Variants in MANSC4 observed in about 807,000 individuals in gnomAD.
MANSC4 encodes the protein MANSC domain-containing protein 4.
MANSC4 carries 11 observed loss-of-function variants against 11.4 expected under a neutral mutation model. That is an observed-to-expected ratio of 0.97 (90% CI 0.61 to 1.60). The LOEUF (loss-of-function observed/expected upper bound fraction) is 1.60. MANSC4 is among the 40% of genes most tolerant of loss of function. The pLI is 0.00. For synonymous variants in MANSC4, 123 were observed against 147.1 expected (o/e 0.84, Z 1.19); for missense variants, 354 against 404.6 (o/e 0.88, Z 1.07).
chr12:27,773,930 T>C (rs2062109498), intron 1 of MANSC4, among the ~76,000 whole-genome samples: 1 of 152,068 alleles, frequency 6.6e-6, no homozygotes, highest in Admixed American at 6.6e-5. Flanking sequence ...GGCGGATCAC[T>C]AGAGGTCAGG....
At position 27,766,729 on chromosome 12, in the gene MANSC4, G is replaced by A; in HGVS notation, c.300C>T (p.Cys100=). Reference sequence around the variant, plus strand: ...CTAATATGCAGCTCTCCAGTGTTGGGCAGTGAACATGGAGGCAGTTGATAT... The same window carrying A: ...CTAATATGCAGCTCTCCAGTGTTGGACAGTGAACATGGAGGCAGTTGATAT... ...HDNINCLHVH[C]PTLESCILEP... The change falls in exon 3 of 4, where the codon TGC becomes TGT. Residue 100 remains cysteine, a synonymous_variant. Coordinates refer to ENST00000381273, the MANE Select transcript of MANSC4 (RefSeq NM_001146221.5). 3 of 1,551,624 alleles carry A rather than the reference G, an allele frequency of 1.9e-6. No individual in the cohort carries two copies. The highest frequency in any genetic ancestry group is 2.6e-6 in the Non-Finnish European group (3 of 1,146,888).
chr12:27,770,421 T>A (rs921746597), intron 2 of MANSC4, among the ~76,000 whole-genome samples: 4 of 147,702 alleles, frequency 2.7e-5, no homozygotes, highest in Admixed American at 6.7e-5. Flanking sequence ...CCTCGAGTGA[T>A]CCACCCACCT....
Position 27,762,600 on chromosome 12 carries a change from C to T in MANSC4, c.*138G>A, listed in dbSNP as rs2062051611. On this transcript the variant is annotated 3_prime_UTR_variant, in exon 4 of 4. Transcript: ENST00000381273. The stretch of plus-strand genomic sequence containing the variant: ...TCCTGGGCTCAAGCAAATCTACTGC[C>T]TTGGCTTCCCAAAGTTTTGGGATTA... 1.3e-6 allele frequency: 1 copy of T among 786,418 alleles called. No individual in the cohort carries two copies. The allele number at this position is 786,418 out of a possible 1,614,324, so 48.7% of individuals were successfully genotyped here.
rs549832343 is a variant in MANSC4 at position 27,771,204 on chromosome 12, A to G, written c.73T>C (p.Ser25Pro). ...SMGWTSDSLC[S>P]PTIFYRDCWI... ...CAGTCTCTGTAAAAAATTGTGGGTG[A>G]GCAGAGAGAGTCTGATGTCCACCCC... The change falls in exon 2 of 4, where the codon TCA becomes CCA. Residue 25 changes from serine (S) to proline (P), a missense_variant. Transcript: ENST00000381273. The G allele has an allele frequency of 9.7e-6, 15 of 1,551,950 alleles. No individual in the cohort carries two copies. Among genetic ancestry groups the G allele is most frequent in the Non-Finnish European group, 1.1e-5 (13 of 1,147,112 alleles).
In MANSC4 at chr12:27,762,556, G is replaced by C. The variant is rs1331347124; in HGVS notation, c.*182C>G. Among the ~76,000 whole-genome samples the C allele has an allele frequency of 6.6e-6, 1 of 151,782 alleles. No homozygotes were observed. The highest frequency in any genetic ancestry group is 1.5e-5 in the Non-Finnish European group (1 of 67,972). On this transcript the variant is annotated 3_prime_UTR_variant, in exon 4 of 4. Transcript: ENST00000381273. ...TATAGAGACAGAGTCTCACTATGTT[G>C]CCCAGGCTGGTCTCGAACTCCTGGG...
Position 27,769,733 on chromosome 12 carries a change from T to A in MANSC4, c.229+1315A>T, listed in dbSNP as rs376341731. Reference sequence around the variant, plus strand: ...ATACATAATCTTACATACACAAAAATCTTACATAGGTAATTGGGCAAGAGG... The same window carrying A: ...ATACATAATCTTACATACACAAAAAACTTACATAGGTAATTGGGCAAGAGG... On this transcript the variant is annotated intron_variant, in intron 2 of 3. Coordinates refer to ENST00000381273, the MANE Select transcript of MANSC4 (RefSeq NM_001146221.5). Among the ~76,000 whole-genome samples, 18 of 152,280 alleles carry A rather than the reference T, an allele frequency of 1.2e-4. 1 individual carries two copies. The highest frequency in any genetic ancestry group is 6.8e-3 in the Middle Eastern group (2 of 294).
intron 3 of MANSC4, among the ~76,000 whole-genome samples, chr12:27,763,681 T>G (rs184675914): frequency 1.1e-3 from 175 of 152,196 alleles, no homozygotes; most frequent in Non-Finnish European, 2.2e-3. Context: ...AGTGTTACTT[T>G]GAGAGCTGTA....
At position 27,763,139 on chromosome 12, in the gene MANSC4, C is replaced by T. The variant is rs567225533; in HGVS notation, c.622G>A (p.Glu208Lys). ...DFWARFTSLN[E>K]SITTKINKVS... ...TTATTTATCTTTGTGGTAATGGACTCATTCAGGGAAGTAAATCTTGCCCAA... is the reference window on the plus strand; with the variant it reads ...TTATTTATCTTTGTGGTAATGGACTTATTCAGGGAAGTAAATCTTGCCCAA... The change falls in exon 4 of 4, where the codon GAG (glutamate) becomes AAG (lysine). Residue 208 changes from glutamate to lysine, a missense_variant. Physicochemically the swap from Glu to Lys is moderately conservative, Grantham distance 56 (BLOSUM62 1). Coordinates refer to ENST00000381273, the MANE Select transcript of MANSC4 (RefSeq NM_001146221.5). The T allele has an allele frequency of 1.9e-6, 3 of 1,551,594 alleles. No individual in the cohort carries two copies. The highest frequency in any genetic ancestry group is 2.4e-5 in the South Asian group (2 of 84,060).
chr12:27,768,164 C>T (rs1405096740), intron 2 of MANSC4, among the ~76,000 whole-genome samples: 1 of 151,920 alleles, frequency 6.6e-6, no homozygotes, highest in African/African-American at 2.4e-5. Context: ...TTTGGGAGGC[C>T]AAGGTGGCGG....
At position 27,771,057 on chromosome 12, in the gene MANSC4, G is replaced by A. The variant is rs762097025; in HGVS notation, c.220C>T (p.Arg74Trp). 12 of 1,549,804 alleles carry A rather than the reference G, an allele frequency of 7.7e-6. No individual in the cohort carries two copies. The highest frequency in any genetic ancestry group is 4.0e-5 in the Admixed American group (2 of 50,588). Reference protein sequence around the residue: ...GQKCSRSCCLRKDVSCNLAVF... With the variant: ...GQKCSRSCCLWKDVSCNLAVF... Reference sequence around the variant, plus strand: ...TATCATGAATACTTACCATCCTTCCGAAGACAGCAGCTCCTACTGCACTTC... The same window carrying A: ...TATCATGAATACTTACCATCCTTCCAAAGACAGCAGCTCCTACTGCACTTC... Residue 74 changes from arginine to tryptophan, a missense_variant, in exon 2 of 4, where the codon CGG (arginine) becomes TGG (tryptophan). Arg to Trp is a moderately radical substitution (Grantham distance 101). Transcript: ENST00000381273.
chr12:27,773,725 AC>A (rs2140804235), intron 1 of MANSC4, among the ~76,000 whole-genome samples: 1 of 152,328 alleles, frequency 6.6e-6, no homozygotes, highest in Non-Finnish European at 1.5e-5. Flanking sequence ...AATAAATGGA[AC>A]TTTTACCTAA....
chr12:27,762,849 G>A lies in MANSC4; in HGVS notation c.912C>T (p.Ile304=). The change falls in exon 4 of 4, where the codon ATC becomes ATT. Residue 304 remains isoleucine, a synonymous_variant. Coordinates refer to ENST00000381273, the MANE Select transcript of MANSC4 (RefSeq NM_001146221.5). ...SVIFLGCCIV[I]LASGCCGKQQ... The stretch of plus-strand genomic sequence containing the variant: ...GCTTTCCACAGCATCCAGATGCCAG[G>A]ATGACTATACAACAGCCGAGAAAGA... 5.2e-6 allele frequency: 8 copies of A among 1,551,958 alleles called. No individual in the cohort carries two copies. The highest frequency in any genetic ancestry group is 6.1e-6 in the Non-Finnish European group (7 of 1,147,074).
intron 1 of MANSC4, among the ~76,000 whole-genome samples, chr12:27,772,361 G>A (rs2062104265): frequency 6.6e-6 from 1 of 152,104 alleles, no homozygotes; most frequent in African/African-American, 2.4e-5. Context: ...TCTGTGATCC[G>A]TATTTCTTTT....
chr12:27,764,133 C>T (rs886250120), intron 3 of MANSC4, among the ~76,000 whole-genome samples: 15 of 152,202 alleles, frequency 9.9e-5, no homozygotes, highest in African/African-American at 3.6e-4. Context: ...TTTTCGACCT[C>T]TGAGGGTCTT....
chr12:27,770,285 A>T (rs538176228), intron 2 of MANSC4, among the ~76,000 whole-genome samples: 1 of 152,100 alleles, frequency 6.6e-6, no homozygotes, highest in Non-Finnish European at 1.5e-5. Context: ...GGTTCAAGCG[A>T]TTCTCCAAAC....
At chr12:27,774,529 A>C (rs1007097783) in intron 1 of MANSC4, among the ~76,000 whole-genome samples, 2 of 152,238 alleles carry the variant, frequency 1.3e-5, no homozygotes, top group African/African-American at 2.4e-5. Flanking sequence ...CATCTTAATA[A>C]ACATCTTTCT....
rs1284255027 is a variant in MANSC4 at position 27,772,482 on chromosome 12, A to G, written c.-306-900T>C. Among the ~76,000 whole-genome samples, 14 of 152,362 alleles carry G rather than the reference A, an allele frequency of 9.2e-5. No individual in the cohort carries two copies. The East Asian group carries it at 2.5e-3, about 27-fold the overall frequency. On this transcript the variant is annotated intron_variant, in intron 1 of 3. Coordinates refer to ENST00000381273, the MANE Select transcript of MANSC4 (RefSeq NM_001146221.5). ...TAATAATAGTCAATCTAGTTATTAC[A>G]TATCTTTTTATTTTTAGAAACATGA... is the stretch of plus-strand genomic sequence containing the variant.
intron 1 of MANSC4, among the ~76,000 whole-genome samples, chr12:27,778,813 T>G (rs1307184237): frequency 6.6e-6 from 1 of 152,214 alleles, no homozygotes; most frequent in African/African-American, 2.4e-5. Context: ...GTCCTTCCTA[T>G]TATTATTTGG....
chr12:27,777,709 A>AT (rs1025374176), intron 1 of MANSC4, among the ~76,000 whole-genome samples: 7 of 152,026 alleles, frequency 4.6e-5, no homozygotes, highest in Non-Finnish European at 8.8e-5. Context: ...TATTTCCTTC[A>AT]TTTTTTTCCA....
Sources: allele counts gnomAD v4.1 joint callset (sites outside exome capture counted in the v4.1 genomes callset), GRCh38; gene constraint gnomAD v4.1.1; transcripts MANE v1.5; gene names NCBI Gene and HGNC (gene_info 2026-07-23, HGNC 2026-07-21).